The following ZNF354A variants were observed in gnomAD, a reference collection of about 807,000 sequenced individuals.
ZNF354A encodes the protein epididymis luminal protein 104.
Under a neutral mutation model 53.3 loss-of-function variants are expected in ZNF354A, and 25 were observed. That is an observed-to-expected ratio of 0.47 (90% CI 0.34 to 0.66). The LOEUF is 0.66. ZNF354A is among the 30% of genes least tolerant of loss of function. The probability of loss-of-function intolerance (pLI) is 0.01; values close to 1 mark genes in which losing one functional copy is unlikely to be tolerated. For synonymous variants in ZNF354A, 228 were observed against 249.0 expected (o/e 0.92, Z 0.79); for missense variants, 586 against 716.8 (o/e 0.82, Z 2.08).
At position 178,719,534 on chromosome 5, in the gene ZNF354A, A is replaced by C. The variant is rs185893746; in HGVS notation, c.256+5842T>G. 1.7e-3 allele frequency among the ~76,000 whole-genome samples: 265 copies of C among 152,334 alleles called. 1 individual carries two copies. The highest frequency in any genetic ancestry group is 6.0e-3 in the African/African-American group (250 of 41,562). ...GCCATAGGCTAGATGAAGGGGTAGCACAAGGGCTGAAGGCAGCACCCAAGT... is the reference window on the plus strand; with the variant it reads ...GCCATAGGCTAGATGAAGGGGTAGCCCAAGGGCTGAAGGCAGCACCCAAGT... On this transcript the variant is annotated intron_variant, in intron 4 of 4. Coordinates refer to ENST00000335815, the MANE Select transcript of ZNF354A (RefSeq NM_005649.3).
Position 178,713,052 on chromosome 5 carries a change from C to T in ZNF354A, c.826G>A (p.Gly276Arg). 1 of 1,614,064 alleles carries T rather than the reference C, an allele frequency of 6.2e-7. No homozygotes were observed. The highest frequency in any genetic ancestry group is 8.5e-7 in the Non-Finnish European group (1 of 1,179,984). Residue 276 changes from glycine (G) to arginine (R), a missense_variant, in exon 5 of 5, where the codon GGG (glycine) becomes AGG (arginine). Transcript: ENST00000335815. Reference sequence around the variant, plus strand: ...GATGTACTGAGAGTAAAGGCTTTCCCACATTCTTTACATATGTAGGGTTTC... The same window carrying T: ...GATGTACTGAGAGTAAAGGCTTTCCTACATTCTTTACATATGTAGGGTTTC... ...GEKPYICKEC[G>R]KAFTLSTSLY... is the part of the protein sequence containing the mutation.
chr5:178,727,199 C>T (rs1022978611), intron 2 of ZNF354A, 74 bp from the exon 3 acceptor site: 52 of 1,453,348 alleles, frequency 3.6e-5, no homozygotes, highest in Admixed American at 4.5e-5. Context: ...GGGAAAGACA[C>T]GCTACCCGTG....
At chr5:178,716,943 G>C (rs1177831935) in intron 4 of ZNF354A, among the ~76,000 whole-genome samples, 1 of 151,918 alleles carries the variant, frequency 6.6e-6, no homozygotes, top group Admixed American at 6.6e-5. Context: ...GCCGGGTGTG[G>C]TGGCACACGC....
chr5:178,721,327 A>G (rs942187543), intron 4 of ZNF354A, among the ~76,000 whole-genome samples: 1 of 152,222 alleles, frequency 6.6e-6, no homozygotes, highest in Non-Finnish European at 1.5e-5. Context: ...TTAGCTGAAT[A>G]CTGTAGGCTA....
At chr5:178,730,184 G>A (rs1328676939) in intron 1 of ZNF354A, among the ~76,000 whole-genome samples, 2 of 152,176 alleles carry the variant, frequency 1.3e-5, no homozygotes, top group African/African-American at 4.8e-5. Flanking sequence ...CTCTGAAGAG[G>A]AAAGCGCTGG....
Position 178,718,164 on chromosome 5 carries a change from A to T in ZNF354A, c.257-4543T>A, listed in dbSNP as rs188728357. 1.8e-3 allele frequency among the ~76,000 whole-genome samples: 272 copies of T among 152,330 alleles called. 2 individuals carry two copies. Among genetic ancestry groups the T allele is most frequent in the African/African-American group, 6.0e-3 (249 of 41,558 alleles). ...TTAGTCCTGAAATCATGTTTTTCAC[A>T]GAAGCAGACGTAAGTTTTGGATTGT... On this transcript the variant is annotated intron_variant, in intron 4 of 4. Transcript: ENST00000335815.
At chr5:178,722,427 T>C (rs545736379) in intron 4 of ZNF354A, among the ~76,000 whole-genome samples, 1 of 152,318 alleles carries the variant, frequency 6.6e-6, no homozygotes, top group South Asian at 2.1e-4. Context: ...CCTTCTAGTG[T>C]TCCTATCTCA....
intron 4 of ZNF354A, among the ~76,000 whole-genome samples, chr5:178,718,070 A>C (rs1765747069): frequency 6.6e-6 from 1 of 152,204 alleles, no homozygotes; most frequent in South Asian, 2.1e-4. Context: ...TTTTTAATGG[A>C]TATGATTACG....
intron 3 of ZNF354A, 112 bp downstream of exon 3, chr5:178,726,887 T>C: frequency 1.7e-5 from 24 of 1,449,540 alleles, no homozygotes; most frequent in Non-Finnish European, 2.1e-5. Flanking sequence ...ATTTGTACAA[T>C]CCTCACACAC....
chr5:178,729,872 G>GCTTTTTTTTTTT (rs746292908), intron 1 of ZNF354A, among the ~76,000 whole-genome samples: 1 of 143,338 alleles, frequency 7.0e-6, no homozygotes, highest in Admixed American at 7.0e-5. Context: ...CTAACACGAT[G>GCTTTTTTTTTTT]TTTCTTTTTT....
At chr5:178,713,672 G>T in intron 4 of ZNF354A, 51 bp from the exon 5 acceptor site, 2 of 1,491,610 alleles carry the variant, frequency 1.3e-6, no homozygotes, top group Non-Finnish European at 1.8e-6. Context: ...CATAGCATCT[G>T]ACTACTGAGA....
At chr5:178,716,419 C>T (rs1765717016) in intron 4 of ZNF354A, among the ~76,000 whole-genome samples, 1 of 152,190 alleles carries the variant, frequency 6.6e-6, no homozygotes, top group Admixed American at 6.5e-5. Context: ...GCTTCAGGAG[C>T]ACTCCATGAC....
Position 178,712,501 on chromosome 5 carries a change from A to T in ZNF354A, c.1377T>A (p.Ile459=). The change falls in exon 5 of 5, where the codon ATT becomes ATA. Residue 459 remains isoleucine (I), a synonymous_variant. Coordinates refer to ENST00000335815, the MANE Select transcript of ZNF354A (RefSeq NM_005649.3). ...ATTTACATGGTTTTTCTCCAGTATGAATTCGCTCGTGAATAATAAGTGTTG... is the reference window on the plus strand; with the variant it reads ...ATTTACATGGTTTTTCTCCAGTATGTATTCGCTCGTGAATAATAAGTGTTG... ...SHSTLIIHER[I]HTGEKPCKCK... is the part of the protein sequence containing the mutation. 6.2e-7 allele frequency: 1 copy of T among 1,614,148 alleles called. No homozygotes were observed. The highest frequency in any genetic ancestry group is 1.7e-5 in the Admixed American group (1 of 60,026).
chr5:178,725,226 G>A (rs1258075071), intron 4 of ZNF354A, 150 bp downstream of exon 4: 4 of 777,492 alleles, frequency 5.1e-6, no homozygotes, highest in Non-Finnish European at 8.9e-6. Flanking sequence ...ATGGGGAAGT[G>A]AATCCTGCCT....
chr5:178,719,431 G>T (rs1765767896), intron 4 of ZNF354A, among the ~76,000 whole-genome samples: 1 of 152,196 alleles, frequency 6.6e-6, no homozygotes, highest in Non-Finnish European at 1.5e-5. Context: ...TGAGGGTGCA[G>T]GTAGAAAAGG....
chr5:178,716,634 G>A (rs4260688), intron 4 of ZNF354A, among the ~76,000 whole-genome samples: 121,191 of 152,098 alleles, frequency 0.8, 48,738 homozygotes, highest in Non-Finnish European at 0.84. Context: ...TAACAAGTAC[G>A]TAATAAAAGT....
In ZNF354A at chr5:178,713,106, T is replaced by C. The variant is rs758843165; in HGVS notation, c.772A>G (p.Ile258Val). 6.2e-7 allele frequency: 1 copy of C among 1,613,958 alleles called. No homozygotes were observed. The highest frequency in any genetic ancestry group is 8.5e-7 in the Non-Finnish European group (1 of 1,179,870). Residue 258 changes from isoleucine to valine, a missense_variant, in exon 5 of 5, where the codon ATT becomes GTT. Physicochemically the swap from Ile to Val is conservative, Grantham distance 29 (BLOSUM62 3). Transcript: ENST00000335815. ...CCAGTATGCGTTATTTGATGTTGAA[T>C]AAGAGCTGAACTTTGGCTAAAGGCT... The part of the protein sequence containing the change: ...SKAFSQSSAL[I>V]QHQITHTGEK...
At chr5:178,720,589 A>G (rs545581867) in intron 4 of ZNF354A, among the ~76,000 whole-genome samples, 1 of 152,360 alleles carries the variant, frequency 6.6e-6, no homozygotes, top group East Asian at 1.9e-4. Flanking sequence ...AATTCTATGC[A>G]GAGTCTCAGA....
At chr5:178,718,307 C>A (rs1233751923) in intron 4 of ZNF354A, among the ~76,000 whole-genome samples, 1 of 152,188 alleles carries the variant, frequency 6.6e-6, no homozygotes, top group African/African-American at 2.4e-5. Flanking sequence ...TCCTCAGCTA[C>A]CTGTTAAACA....
Sources: allele counts gnomAD v4.1 joint callset (sites outside exome capture counted in the v4.1 genomes callset), GRCh38; gene constraint gnomAD v4.1.1; transcripts MANE v1.5; gene names NCBI Gene and HGNC (gene_info 2026-07-23, HGNC 2026-07-21).